Variants in CTSW observed in about 807,000 individuals in gnomAD.
The protein encoded by CTSW is cathepsin W.
Under a neutral mutation model 43.8 loss-of-function variants are expected in CTSW, and 42 were observed. The observed-to-expected ratio is 0.96, with a 90% confidence interval of 0.75 to 1.24. The LOEUF (loss-of-function observed/expected upper bound fraction) is 1.24. Among genes scored for constraint, CTSW ranks in the 50% most tolerant of loss-of-function variants. The probability of loss-of-function intolerance (pLI) is 0.00; values close to 1 mark genes in which losing one functional copy is unlikely to be tolerated. For synonymous variants in CTSW, 191 were observed against 184.8 expected (o/e 1.03, Z -0.27); for missense variants, 475 against 479.9 (o/e 0.99, Z 0.09).
intron 3 of CTSW, 57 bp downstream of exon 3, chr11:65,881,577 C>A: frequency 8.1e-7 from 1 of 1,236,998 alleles, no homozygotes; most frequent in Non-Finnish European, 1.2e-6. Flanking sequence ...TCCCCAGGGA[C>A]ACTGGCAGCT....
At position 65,883,077 on chromosome 11, in the gene CTSW, C is replaced by T. The variant is rs918519511; in HGVS notation, c.754C>T (p.Gln252Ter). 22 of 1,614,016 alleles carry T rather than the reference C, an allele frequency of 1.4e-5. No homozygotes were observed. The highest frequency in any genetic ancestry group is 6.7e-5 in the Admixed American group (4 of 60,004). ...GATGTTCCTGTCCCCAGGAATTGCG[C>T]AGTACCTGGCCACTTATGGCCCCAT... The part of the protein sequence containing the change: ...MLQNNEHRIA[Q>*]YLATYGPITV... The change falls in exon 8 of 10, where the codon CAG (glutamine) becomes TAG (stop). Residue 252 changes from glutamine to a stop codon, truncating the protein, a stop_gained. Transcript: ENST00000307886. LOFTEE classifies it high-confidence loss of function.
Position 65,881,437 on chromosome 11 carries a change from A to C in CTSW, c.203A>C (p.His68Pro), listed in dbSNP as rs749460950. 1.1e-5 allele frequency: 18 copies of C among 1,609,076 alleles called. No homozygotes were observed. Among genetic ancestry groups the C allele is most frequent in the Non-Finnish European group, 5.1e-6 (6 of 1,177,364 alleles). The stretch of plus-strand genomic sequence containing the variant: ...GCTCACCGCCTGGACATCTTTGCCC[A>C]CAACCTGGCCCAGGCTCAGAGGCTG... Reference protein sequence around the residue: ...EHAHRLDIFAHNLAQAQRLQE... With the variant: ...EHAHRLDIFAPNLAQAQRLQE... The change falls in exon 3 of 10, where the codon CAC becomes CCC. Residue 68 changes from histidine to proline, a missense_variant. Transcript: ENST00000307886.
At chr11:65,883,463 A>G in intron 9 of CTSW, 39 bp downstream of exon 9, 1 of 1,612,230 alleles carries the variant, frequency 6.2e-7, no homozygotes. Context: ...AAGGCAGAAC[A>G]GGCCTCTTCC....
Position 65,882,526 on chromosome 11 carries a change from G to C in CTSW, c.538G>C (p.Glu180Gln). The stretch of plus-strand genomic sequence containing the variant: ...GGATTTTGTGGATGTCTCCGTGCAG[G>C]GTAGGGTTGGGAGAGGGTGCGCGTG... ...FWDFVDVSVQ[E>Q]LLDCGRCGDG... The change falls in exon 5 of 10, where the codon GAA becomes CAA. Residue 180 changes from glutamate to glutamine, a missense_variant and splice_region_variant. Glu to Gln is a conservative substitution (Grantham distance 29). Coordinates refer to ENST00000307886, the MANE Select transcript of CTSW (RefSeq NM_001335.4). 1 of 1,614,156 alleles carries C rather than the reference G, an allele frequency of 6.2e-7. No homozygotes were observed. The highest frequency in any genetic ancestry group is 8.5e-7 in the Non-Finnish European group (1 of 1,180,000).
rs372733854 is a variant in CTSW, at chr11:65,883,606, C to T, written c.1119C>T (p.Ser373=). 6.2e-7 allele frequency: 1 copy of T among 1,613,802 alleles called. No homozygotes were observed. The highest frequency in any genetic ancestry group is 8.5e-7 in the Non-Finnish European group (1 of 1,179,758). ...AACCGGATATGAAGCCCCGAGTCTC[C>T]TGCCCTCCCTGAACCCACCTGGCCC... is the stretch of plus-strand genomic sequence containing the variant. The part of the protein sequence containing the change: ...VQKPDMKPRV[S]CPP Residue 373 remains serine (S), a synonymous_variant, in exon 10 of 10, where the codon TCC becomes TCT. Coordinates refer to ENST00000307886, the MANE Select transcript of CTSW (RefSeq NM_001335.4).
In CTSW at chr11:65,883,605, C is replaced by T; in HGVS notation, c.1118C>T (p.Ser373Phe). ...AAACCGGATATGAAGCCCCGAGTCTCCTGCCCTCCCTGAACCCACCTGGCC... is the reference window on the plus strand; with the variant it reads ...AAACCGGATATGAAGCCCCGAGTCTTCTGCCCTCCCTGAACCCACCTGGCC... The part of the protein sequence containing the change: ...VQKPDMKPRV[S>F]CPP The change falls in exon 10 of 10, where the codon TCC becomes TTC. Residue 373 changes from serine to phenylalanine, a missense_variant. Physicochemically the swap from Ser to Phe is radical, Grantham distance 155. Transcript: ENST00000307886. 1 of 1,613,798 alleles carries T rather than the reference C, an allele frequency of 6.2e-7. No individual in the cohort carries two copies. Among genetic ancestry groups the T allele is most frequent in the Non-Finnish European group, 8.5e-7 (1 of 1,179,754 alleles).
chr11:65,880,427 T>G, intron 2 of CTSW, 141 bp downstream of exon 2: 1 of 588,934 alleles, frequency 1.7e-6, no homozygotes, highest in Non-Finnish European at 3.0e-6. Flanking sequence ...GTTCAAGCGA[T>G]TCTCCTGCTT....
chr11:65,880,392 GC>G (rs1860091893), intron 2 of CTSW, 106 bp downstream of exon 2: 1 of 848,934 alleles, frequency 1.2e-6, no homozygotes, highest in Non-Finnish European at 1.9e-6. Context: ...TGTCATCTTG[GC>G]TCACTGCAAC....
Position 65,883,517 on chromosome 11 carries a change from C to A in CTSW, c.1030C>A (p.Arg344=). 2 of 1,613,768 alleles carry A rather than the reference C, an allele frequency of 1.2e-6. No individual in the cohort carries two copies. The highest frequency in any genetic ancestry group is 1.7e-6 in the Non-Finnish European group (2 of 1,179,726). ...TCCCCTAACCTCCTAGGGCTATTTC[C>A]GGCTGCACCGAGGGAGCAATACCTG... The part of the protein sequence containing the change: ...GAQWGEKGYF[R]LHRGSNTCGI... Residue 344 remains arginine, a synonymous_variant, in exon 10 of 10, where the codon CGG becomes AGG. Transcript: ENST00000307886.
At position 65,882,746 on chromosome 11, in the gene CTSW, C is replaced by A. The variant is rs201964451; in HGVS notation, c.620-33C>A. 11 of 1,614,016 alleles carry A rather than the reference C, an allele frequency of 6.8e-6. No homozygotes were observed. In the East Asian group the frequency reaches 2.4e-4, roughly 36 times the overall value. On this transcript the variant is annotated intron_variant, in intron 6 of 9. Coordinates refer to ENST00000307886, the MANE Select transcript of CTSW (RefSeq NM_001335.4). ...TGCAGGGGGACAGGGTGGGCAGGAG[C>A]GGAACCTCCTCCCTTGTCTTGCTTA...
chr11:65,880,011 T>A, intron 1 of CTSW, 70 bp downstream of exon 1: 1 of 1,403,422 alleles, frequency 7.1e-7, no homozygotes, highest in Non-Finnish European at 9.9e-7. Context: ...ACAGCTGGCC[T>A]GTCATTCTCA....
chr11:65,881,233 G>T (rs952695440), intron 2 of CTSW, among the ~76,000 whole-genome samples, 174 bp from the exon 3 acceptor site: 6 of 152,150 alleles, frequency 3.9e-5, no homozygotes, highest in Non-Finnish European at 8.8e-5. Flanking sequence ...AACCCTCGGT[G>T]GGCTGGGTAA....
chr11:65,879,992 C>T, intron 1 of CTSW, 51 bp downstream of exon 1: 5 of 1,481,524 alleles, frequency 3.4e-6, no homozygotes, highest in Non-Finnish European at 4.7e-6. Context: ...TGGGGTCACC[C>T]CTTCAGAAAC....
Position 65,883,406 on chromosome 11 carries a change from G to C in CTSW, c.1002G>C (p.Gly334=). Residue 334 remains glycine, a synonymous_variant, in exon 9 of 10, where the codon GGG becomes GGC. Coordinates refer to ENST00000307886, the MANE Select transcript of CTSW (RefSeq NM_001335.4). ...ACTGGATCCTGAAGAACTCCTGGGG[G>C]GCCCAATGGGGAGAGAAGGTGAGTG... ...TPYWILKNSW[G]AQWGEKGYFR... 1 of 1,614,056 alleles carries C rather than the reference G, an allele frequency of 6.2e-7. No individual in the cohort carries two copies. The highest frequency in any genetic ancestry group is 8.5e-7 in the Non-Finnish European group (1 of 1,179,978).
rs202134820 is a variant in CTSW at position 65,883,260 on chromosome 11, C to G, written c.856C>G (p.Pro286Ala). ...VIKATPTTCDPQLVDHSVLLV... is the reference protein window; with the variant it reads ...VIKATPTTCDAQLVDHSVLLV... ...CAAGGCCACACCCACCACCTGTGAC[C>G]CCCAGCTTGTGGACCACTCTGTCCT... is the stretch of plus-strand genomic sequence containing the variant. The change falls in exon 9 of 10, where the codon CCC (proline) becomes GCC (alanine). Residue 286 changes from proline (P) to alanine (A), a missense_variant. Pro to Ala is a conservative substitution (Grantham distance 27). Coordinates refer to ENST00000307886, the MANE Select transcript of CTSW (RefSeq NM_001335.4). 4.3e-6 allele frequency: 7 copies of G among 1,613,990 alleles called. No individual in the cohort carries two copies. The Admixed American group carries it at 1.2e-4, about 27-fold the overall frequency.
In CTSW at chr11:65,882,785, T is replaced by C. The variant is rs1250069316; in HGVS notation, c.626T>C (p.Leu209Pro). 2 of 1,614,162 alleles carry C rather than the reference T, an allele frequency of 1.2e-6. No homozygotes were observed. The highest frequency in any genetic ancestry group is 1.1e-5 in the South Asian group (1 of 91,088). Residue 209 changes from leucine (L) to proline (P), a missense_variant, in exon 7 of 10, where the codon CTG becomes CCG. Leu to Pro is a moderately conservative substitution (Grantham distance 98). Transcript: ENST00000307886. ...TTGTCTTGCTTATCTGCAGGCGGCC[T>C]GGCCAGTGAAAAGGACTACCCGTTC... ...AFITVLNNSG[L>P]ASEKDYPFQG...
chr11:65,881,288 T>C, intron 2 of CTSW, 119 bp from the exon 3 acceptor site: 1 of 563,160 alleles, frequency 1.8e-6, no homozygotes, highest in Non-Finnish European at 3.1e-6. Flanking sequence ...TTGTGGGGGC[T>C]ACAGGAAAGG....
rs1358483842 is a variant in CTSW, at chr11:65,882,649, TG to T, written c.581del (p.Gly194AlafsTer8). On this transcript the variant is annotated frameshift_variant, in exon 6 of 10. Coordinates refer to ENST00000307886, the MANE Select transcript of CTSW (RefSeq NM_001335.4). LOFTEE classifies it high-confidence loss of function. ...GCCGCTGTGGGGATGGCTGCCACGGTGGCTTCGTCTGGGACGCGTTCATAAC... is the reference window on the plus strand; with the variant it reads ...GCCGCTGTGGGGATGGCTGCCACGGTGCTTCGTCTGGGACGCGTTCATAAC... ...CGRCGDGCHG[G>X]FVWDAFITVL... 6.2e-7 allele frequency: 1 copy of T among 1,614,042 alleles called. No homozygotes were observed. Among genetic ancestry groups the T allele is most frequent in the South Asian group, 1.1e-5 (1 of 91,086 alleles).
Position 65,883,574 on chromosome 11 carries a change from G to A in CTSW, c.1087G>A (p.Val363Met), listed in dbSNP as rs1227963933. ...GITKFPLTAR[V>M]QKPDMKPRVS... is the part of the protein sequence containing the mutation. ...CACCAAGTTCCCGCTCACTGCCCGTGTGCAGAAACCGGATATGAAGCCCCG... is the reference window on the plus strand; with the variant it reads ...CACCAAGTTCCCGCTCACTGCCCGTATGCAGAAACCGGATATGAAGCCCCG... Residue 363 changes from valine to methionine, a missense_variant, in exon 10 of 10, where the codon GTG becomes ATG. Coordinates refer to ENST00000307886, the MANE Select transcript of CTSW (RefSeq NM_001335.4). 3.7e-6 allele frequency: 6 copies of A among 1,613,934 alleles called. No homozygotes were observed. Among genetic ancestry groups the A allele is most frequent in the Non-Finnish European group, 5.1e-6 (6 of 1,179,974 alleles).
Sources: allele counts gnomAD v4.1 joint callset (sites outside exome capture counted in the v4.1 genomes callset), GRCh38; gene constraint gnomAD v4.1.1; transcripts MANE v1.5; gene names NCBI Gene and HGNC (gene_info 2026-07-23, HGNC 2026-07-21).